NKAIN2: variants seen among roughly 807,000 people sequenced by gnomAD.
NKAIN2 encodes the protein sodium/potassium-transporting ATPase subunit beta-1-interacting protein 2.
NKAIN2 carries 14 observed loss-of-function variants against 32.6 expected under a neutral mutation model. The ratio of observed to expected loss-of-function variants is 0.43; its 90% CI spans 0.28 to 0.67. The LOEUF is 0.67. NKAIN2 is among the 30% of genes least tolerant of loss of function. The pLI is 0.17. For synonymous variants in NKAIN2, 80 were observed against 87.2 expected, an observed-to-expected ratio of 0.92 and a Z score of 0.46; for missense variants, 198 against 258.3, an observed-to-expected ratio of 0.77 and a Z score of 1.60.
At chr6:124,184,395 T>C (rs1037898286) in intron 1 of NKAIN2, among the ~76,000 whole-genome samples, 1 of 152,152 alleles carries the variant, frequency 6.6e-6, no homozygotes, top group African/African-American at 2.4e-5. Flanking sequence ...TCCCTCCTTA[T>C]GTTTTAGCCT....
chr6:124,477,665 C>T (rs1777274869), intron 3 of NKAIN2, among the ~76,000 whole-genome samples: 1 of 145,070 alleles, frequency 6.9e-6, no homozygotes, highest in Non-Finnish European at 1.5e-5. Context: ...TCTTATCCTT[C>T]CCCTTCTCCT....
At chr6:124,602,549 G>T (rs1303070630) in intron 3 of NKAIN2, among the ~76,000 whole-genome samples, 1 of 151,216 alleles carries the variant, frequency 6.6e-6, no homozygotes, top group Non-Finnish European at 1.5e-5. Flanking sequence ...GTGGATGGGG[G>T]GACAAAAAAA....
chr6:124,283,462 A>C (rs1795397174), intron 2 of NKAIN2, among the ~76,000 whole-genome samples: 1 of 152,196 alleles, frequency 6.6e-6, no homozygotes. Flanking sequence ...ACAGATTTTA[A>C]TGGAAATTTT....
chr6:124,324,891 A>C (rs968023604), intron 2 of NKAIN2, among the ~76,000 whole-genome samples: 2 of 152,058 alleles, frequency 1.3e-5, no homozygotes, highest in African/African-American at 2.4e-5. Flanking sequence ...TTGAATAAAC[A>C]CTACTTGGTC....
chr6:124,415,463 G>A (rs1774421948), intron 3 of NKAIN2, among the ~76,000 whole-genome samples: 4 of 152,180 alleles, frequency 2.6e-5, no homozygotes, highest in Admixed American at 2.0e-4. Flanking sequence ...CACCCTCCAG[G>A]AACCCACATG....
At chr6:123,891,301 A>G (rs1774005477) in intron 1 of NKAIN2, among the ~76,000 whole-genome samples, 1 of 152,224 alleles carries the variant, frequency 6.6e-6, no homozygotes, top group African/African-American at 2.4e-5. Context: ...ACTTACTGCT[A>G]TTAAAGTGTA....
intron 3 of NKAIN2, among the ~76,000 whole-genome samples, chr6:124,448,824 A>G (rs1775992728): frequency 6.6e-6 from 1 of 152,134 alleles, no homozygotes; most frequent in East Asian, 1.9e-4. Flanking sequence ...TAGTGAATAG[A>G]ATTCATGATT....
intron 5 of NKAIN2, among the ~76,000 whole-genome samples, chr6:124,799,733 A>G (rs1451327100): frequency 6.6e-6 from 1 of 152,192 alleles, no homozygotes; most frequent in African/African-American, 2.4e-5. Context: ...AAGAATACTG[A>G]TGTTGTTTTA....
At chr6:124,391,635 CAG>C (rs1356788554) in intron 3 of NKAIN2, among the ~76,000 whole-genome samples, 2 of 152,096 alleles carry the variant, frequency 1.3e-5, no homozygotes, top group African/African-American at 4.8e-5. Context: ...CCAGTGACAA[CAG>C]AGTCTAAGGT....
intron 1 of NKAIN2, among the ~76,000 whole-genome samples, chr6:124,050,998 T>C (rs973194178): frequency 7.9e-5 from 12 of 152,116 alleles, no homozygotes; most frequent in African/African-American, 2.7e-4. Flanking sequence ...ATATCAAGGA[T>C]ACACCTTTGA....
intron 3 of NKAIN2, among the ~76,000 whole-genome samples, chr6:124,429,204 A>AT (rs34137588): frequency 0.067 from 9,520 of 141,612 alleles, 500 homozygotes; most frequent in African/African-American, 0.14. Context: ...CTCCTGGCTA[A>AT]TTTTTTTTTT....
intron 6 of NKAIN2, among the ~76,000 whole-genome samples, chr6:124,821,641 T>C (rs554149792): frequency 1.1e-4 from 17 of 152,200 alleles, no homozygotes; most frequent in Non-Finnish European, 1.9e-4. Flanking sequence ...ATAAAAAATA[T>C]ATTGTTTTCC....
intron 1 of NKAIN2, among the ~76,000 whole-genome samples, chr6:124,267,540 G>GTC (rs1794558594): frequency 6.6e-6 from 1 of 150,952 alleles, no homozygotes; most frequent in South Asian, 2.1e-4. Flanking sequence ...ACAAATTATG[G>GTC]TCTACAGAAT....
intron 3 of NKAIN2, among the ~76,000 whole-genome samples, chr6:124,497,730 T>TA (rs373580318): frequency 4.8e-4 from 67 of 138,472 alleles, no homozygotes; most frequent in South Asian, 1.2e-3. Context: ...AAAGCTTACA[T>TA]AAAAAAAAAC....
intron 2 of NKAIN2, among the ~76,000 whole-genome samples, chr6:124,312,078 CTT>C (rs1398769488): frequency 1.3e-5 from 2 of 152,058 alleles, no homozygotes; most frequent in East Asian, 3.9e-4. Context: ...AAATCACACA[CTT>C]TTTATTTGCA....
In NKAIN2 at chr6:124,665,507, T is replaced by C. The variant is rs147621583; in HGVS notation, c.474+7121T>C. Among the ~76,000 whole-genome samples the C allele has an allele frequency of 1.5e-3, 225 of 152,348 alleles. 1 individual carries two copies. The highest frequency in any genetic ancestry group is 5.0e-3 in the African/African-American group (208 of 41,572). On this transcript the variant is annotated intron_variant, in intron 4 of 6. Transcript: ENST00000368417. ...GCAGTACTCTAAGTCAGTAGTTCTC[T>C]ATACTGGCTGAGAATAGGAATTTCC...
chr6:124,282,642 T>C (rs1023656615), intron 1 of NKAIN2, among the ~76,000 whole-genome samples: 1 of 152,230 alleles, frequency 6.6e-6, no homozygotes, highest in African/African-American at 2.4e-5. Flanking sequence ...TTTGAACAGA[T>C]CTAGCAACAA....
At chr6:123,816,852 T>C (rs1041919357) in intron 1 of NKAIN2, among the ~76,000 whole-genome samples, 8 of 152,158 alleles carry the variant, frequency 5.3e-5, no homozygotes, top group Non-Finnish European at 1.2e-4. Context: ...AGGCCCTTGA[T>C]TGGCCACCTA....
chr6:124,473,969 C>T (rs1222187119), intron 3 of NKAIN2, among the ~76,000 whole-genome samples: 1 of 152,246 alleles, frequency 6.6e-6, no homozygotes, highest in South Asian at 2.1e-4. Flanking sequence ...AATAATTGAT[C>T]GTTTCAGCCA....
Sources: gnomAD v4.1 joint callset for allele counts (sites outside exome capture counted in the v4.1 genomes callset) on GRCh38, gnomAD v4.1.1 for gene constraint, MANE v1.5 for transcripts, NCBI Gene and HGNC (gene_info 2026-07-23, HGNC 2026-07-21) for gene names.